Variants in RAI14 observed in about 807,000 individuals in gnomAD.
RAI14 encodes retinoic acid induced 14.
Under a neutral mutation model 115.4 loss-of-function variants are expected in RAI14, and 45 were observed. That is an observed-to-expected ratio of 0.39 (90% CI 0.31 to 0.50). RAI14 has a LOEUF of 0.50. Among genes scored for constraint, RAI14 ranks in the 20% least tolerant of loss-of-function variants. The pLI is 0.85. For missense variants in RAI14, 939 were observed against 1,131.2 expected (o/e 0.83, Z 2.44); for synonymous variants, 371 against 415.4 (o/e 0.89, Z 1.30).
chr5:34,724,865 T>C (rs973600604), intron 2 of RAI14, among the ~76,000 whole-genome samples: 3 of 152,218 alleles, frequency 2.0e-5, no homozygotes, highest in African/African-American at 7.2e-5. Context: ...GTCCATTTGA[T>C]TGAGGCTAAG....
chr5:34,714,764 A>G (rs1447307537), intron 2 of RAI14, among the ~76,000 whole-genome samples: 1 of 152,074 alleles, frequency 6.6e-6, no homozygotes. Context: ...GTTTCTGTCC[A>G]CCTCTCTGCT....
intron 3 of RAI14, 77 bp from the exon 4 acceptor site, chr5:34,795,862 G>A: frequency 2.6e-6 from 3 of 1,168,294 alleles, no homozygotes; most frequent in South Asian, 1.3e-5. Context: ...ATGGCGGGGG[G>A]CGGGGGGGAA....
At chr5:34,753,939 G>A (rs1291911342) in intron 2 of RAI14, among the ~76,000 whole-genome samples, 1 of 149,140 alleles carries the variant, frequency 6.7e-6, no homozygotes, top group Non-Finnish European at 1.5e-5. Context: ...AAATTAGCCA[G>A]GCATGGTGGC....
At chr5:34,830,652 A>C (rs1212583753) in intron 17 of RAI14, 36 bp from the exon 18 acceptor site, 1 of 1,613,220 alleles carries the variant, frequency 6.2e-7, no homozygotes, top group Non-Finnish European at 8.5e-7. Context: ...GGCTTAATTT[A>C]GGTTCTAATG....
intron 1 of RAI14, among the ~76,000 whole-genome samples, chr5:34,668,909 T>C (rs1579861457): frequency 6.6e-6 from 1 of 151,906 alleles, no homozygotes; most frequent in Non-Finnish European, 1.5e-5. Flanking sequence ...CAGGCCAGAG[T>C]GCAATGGCAT....
intron 1 of RAI14, among the ~76,000 whole-genome samples, chr5:34,682,022 A>C (rs541018507): frequency 6.6e-6 from 1 of 151,888 alleles, no homozygotes; most frequent in Admixed American, 6.6e-5. Context: ...CGCCCGGCTA[A>C]TTTTGTATTT....
intron 3 of RAI14, among the ~76,000 whole-genome samples, chr5:34,769,057 C>G (rs779682292): frequency 2.0e-5 from 3 of 151,712 alleles, no homozygotes; most frequent in Non-Finnish European, 4.4e-5. Context: ...TCAGTGTCCT[C>G]TCCCTCCTGT....
chr5:34,763,651 T>C (rs2150111018), intron 3 of RAI14, among the ~76,000 whole-genome samples: 1 of 152,290 alleles, frequency 6.6e-6, no homozygotes, highest in African/African-American at 2.4e-5. Flanking sequence ...AATAATCAGA[T>C]GCTAACCTGT....
At chr5:34,657,454 C>T (rs1430947033) in intron 1 of RAI14, among the ~76,000 whole-genome samples, 1 of 152,216 alleles carries the variant, frequency 6.6e-6, no homozygotes, top group African/African-American at 2.4e-5. Flanking sequence ...CCGAAGTGGC[C>T]TCACGGGGGC....
intron 3 of RAI14, among the ~76,000 whole-genome samples, chr5:34,773,384 G>T (rs1554055658): frequency 6.6e-6 from 1 of 152,086 alleles, no homozygotes; most frequent in South Asian, 2.1e-4. Flanking sequence ...CAAAAGCGTA[G>T]ACAGCTATAA....
Position 34,827,362 on chromosome 5 carries a change from T to TC in RAI14, c.2799+884dup, listed in dbSNP as rs1221194821. Among the ~76,000 whole-genome samples the TC allele has an allele frequency of 2.6e-5, 4 of 152,156 alleles. No homozygotes were observed. Among genetic ancestry groups the TC allele is most frequent in the African/African-American group, 9.7e-5 (4 of 41,436 alleles). ...CATATAAAGTTTAACATTCACAGGT[T>TC]CTGGGGATTAGGATGTGGACATCTT... is the stretch of plus-strand genomic sequence containing the variant. On this transcript the variant is annotated intron_variant, in intron 16 of 17. Transcript: ENST00000265109. This position sits in a 1 kb window ranked among gnomAD's most constrained non-coding sequence, Gnocchi z 4.2.
At chr5:34,658,929 C>G (rs569366553) in intron 1 of RAI14, 18 of 152,142 alleles carry the variant, frequency 1.2e-4, no homozygotes, top group African/African-American at 3.6e-4. Context: ...ATACCTCTCC[C>G]CCCCCGGAAA....
Position 34,831,031 on chromosome 5 carries a change from TCCTGATG to T in RAI14, c.*268_*274del. On this transcript the variant is annotated 3_prime_UTR_variant, in exon 18 of 18. Transcript: ENST00000265109. ...GGATCAGCCATGCCCAGAGGTCTGG[TCCTGATG>T]CTGGCAGGGGGGCCCCCTCCTCCAT... 2 of 486,338 alleles carry T rather than the reference TCCTGATG, an allele frequency of 4.1e-6. No individual in the cohort carries two copies. The highest frequency in any genetic ancestry group is 6.5e-6 in the Non-Finnish European group (2 of 306,922). 30.1% of individuals were successfully genotyped at this position (486,338 alleles called of 1,614,324 possible).
At chr5:34,752,741 G>GTATA (rs1328513453) in intron 2 of RAI14, among the ~76,000 whole-genome samples, 50 of 99,520 alleles carry the variant, frequency 5.0e-4, no homozygotes, top group African/African-American at 1.7e-3. Flanking sequence ...GTGTGTGTGT[G>GTATA]TGTGTGTGTA....
chr5:34,793,222 G>T (rs1753132533), intron 3 of RAI14, among the ~76,000 whole-genome samples: 1 of 152,100 alleles, frequency 6.6e-6, no homozygotes, highest in African/African-American at 2.4e-5. Flanking sequence ...ATTGATCGTG[G>T]GCCTTCCAAG....
chr5:34,771,449 G>A (rs988973226), intron 3 of RAI14, among the ~76,000 whole-genome samples: 12 of 152,150 alleles, frequency 7.9e-5, no homozygotes, highest in African/African-American at 2.9e-4. Flanking sequence ...AGAAATTGAA[G>A]TCTTGTAAAA....
At chr5:34,777,548 G>A (rs1354106057) in intron 3 of RAI14, among the ~76,000 whole-genome samples, 1 of 152,196 alleles carries the variant, frequency 6.6e-6, no homozygotes, top group Non-Finnish European at 1.5e-5. Context: ...GGGAGACTGA[G>A]GCAGGTGGAT....
intron 3 of RAI14, among the ~76,000 whole-genome samples, chr5:34,788,670 G>T (rs1467738583): frequency 6.6e-6 from 1 of 152,116 alleles, no homozygotes; most frequent in African/African-American, 2.4e-5. Context: ...GATTAACATT[G>T]TTAAGAATAC....
intron 3 of RAI14, among the ~76,000 whole-genome samples, chr5:34,769,332 C>T (rs1749838452): frequency 6.6e-6 from 1 of 152,116 alleles, no homozygotes; most frequent in African/African-American, 2.4e-5. Context: ...AGATTTGTCT[C>T]TGGGCCAATA....
Sources: gnomAD v4.1 joint callset for allele counts (sites outside exome capture counted in the v4.1 genomes callset) on GRCh38, gnomAD v4.1.1 for gene constraint, Gnocchi (gnomAD v3.1) non-coding constraint, MANE v1.5 for transcripts, NCBI Gene and HGNC (gene_info 2026-07-23, HGNC 2026-07-21) for gene names.